The following SLC9B1 variants were observed in gnomAD, a reference collection of about 807,000 sequenced individuals.
SLC9B1 encodes sodium/hydrogen exchanger 9B1.
A neutral mutation model predicts 51.7 loss-of-function variants in SLC9B1; 32 were observed. The observed-to-expected ratio is 0.62, with a 90% CI of 0.47 to 0.83. The LOEUF is 0.83. SLC9B1 is among the 40% of genes least tolerant of loss of function. SLC9B1 has a pLI of 0.00. For synonymous variants in SLC9B1, 145 were observed against 212.7 expected (o/e 0.68, Z 2.77); for missense variants, 406 against 613.2 (o/e 0.66, Z 3.57).
intron 3 of SLC9B1, among the ~76,000 whole-genome samples, chr4:102,965,805 A>G (rs1738393984): frequency 6.6e-6 from 1 of 152,078 alleles, no homozygotes; most frequent in Non-Finnish European, 1.5e-5. Context: ...ACAACAAGTT[A>G]TTTACTTCCA....
chr4:102,964,463 C>T (rs1463277775), intron 3 of SLC9B1, among the ~76,000 whole-genome samples: 1 of 152,046 alleles, frequency 6.6e-6, no homozygotes, highest in Non-Finnish European at 1.5e-5. Flanking sequence ...CAATATTACC[C>T]TGATATCAAA....
At chr4:102,970,149 T>C (rs961450945) in intron 3 of SLC9B1, among the ~76,000 whole-genome samples, 3 of 152,092 alleles carry the variant, frequency 2.0e-5, no homozygotes, top group Non-Finnish European at 4.4e-5. Context: ...ATCACAAAGA[T>C]ACTCCTCGAG....
intron 1 of SLC9B1, among the ~76,000 whole-genome samples, chr4:102,998,611 T>TG (rs2110527054): frequency 6.6e-6 from 1 of 152,028 alleles, no homozygotes; most frequent in African/African-American, 2.4e-5. Context: ...ATGGTTTTTT[T>TG]TTTTTCACAG....
intron 3 of SLC9B1, among the ~76,000 whole-genome samples, chr4:102,971,975 C>G (rs1328781145): frequency 6.6e-6 from 1 of 151,972 alleles, no homozygotes; most frequent in Non-Finnish European, 1.5e-5. Context: ...CATTAACAGG[C>G]TCTGAAATTG....
At chr4:102,939,643 C>T (rs879561386) in intron 6 of SLC9B1, among the ~76,000 whole-genome samples, 39 of 152,198 alleles carry the variant, frequency 2.6e-4, no homozygotes, top group Admixed American at 7.9e-4. Flanking sequence ...ATCATAGATG[C>T]AAAAATCCTC....
intron 7 of SLC9B1, among the ~76,000 whole-genome samples, chr4:102,912,819 A>T (rs1029219884): frequency 5.3e-5 from 8 of 152,146 alleles, no homozygotes; most frequent in Non-Finnish European, 7.4e-5. Flanking sequence ...TTGAGGCTGC[A>T]CTCCAGCCTG....
intron 1 of SLC9B1, among the ~76,000 whole-genome samples, chr4:102,994,417 T>A (rs924849353): frequency 6.6e-6 from 1 of 152,186 alleles, no homozygotes; most frequent in South Asian, 2.1e-4. Flanking sequence ...TCATTGTCCA[T>A]ATCACCATCA....
chr4:102,932,543 T>C (rs1207556447), intron 6 of SLC9B1, among the ~76,000 whole-genome samples: 1 of 152,102 alleles, frequency 6.6e-6, no homozygotes. Flanking sequence ...TATTCCTAAA[T>C]CCTTTGAAGT....
chr4:102,911,672 T>A lies in SLC9B1; in HGVS notation c.830-135A>T, dbSNP rs936852917. On this transcript the variant is annotated intron_variant, in intron 7 of 11. Transcript: ENST00000296422. ...AACAAATATATGCAAATGGTCTTTT[T>A]ATAGTGACATATATGAAAACATGTA... The A allele has an allele frequency of 1.0e-4, 59 of 579,636 alleles. No homozygotes were observed. The African/African-American group carries it at 1.0e-3, about 10-fold the overall frequency. The allele number at this position is 579,636 out of a possible 1,614,324, so 35.9% of individuals were successfully genotyped here. A position where few individuals can be genotyped will look rare whatever the true frequency, so the allele number is the denominator to read the frequency against.
chr4:102,996,888 G>A (rs1740252737), intron 1 of SLC9B1, among the ~76,000 whole-genome samples: 6 of 151,830 alleles, frequency 4.0e-5, no homozygotes, highest in Admixed American at 3.9e-4. Flanking sequence ...CTGGGCTCAA[G>A]TGATCCTCCC....
chr4:102,923,295 G>C (rs1459322758), intron 7 of SLC9B1, among the ~76,000 whole-genome samples: 2 of 152,082 alleles, frequency 1.3e-5, no homozygotes, highest in Non-Finnish European at 2.9e-5. Flanking sequence ...CATATAAGCA[G>C]AACCAAAGAC....
At chr4:102,939,772 T>G (rs1172154451) in intron 6 of SLC9B1, among the ~76,000 whole-genome samples, 1 of 152,100 alleles carries the variant, frequency 6.6e-6, no homozygotes, top group Non-Finnish European at 1.5e-5. Context: ...ATAAATGTGA[T>G]TCATCATATA....
Position 102,949,240 on chromosome 4 carries a change from G to C in SLC9B1, c.382+17C>G. The C allele has an allele frequency of 6.6e-7, 1 of 1,506,408 alleles. No individual in the cohort carries two copies. Among genetic ancestry groups the C allele is most frequent in the Non-Finnish European group, 8.9e-7 (1 of 1,122,768 alleles). 93.3% of individuals were successfully genotyped at this position (1,506,408 alleles called of 1,614,324 possible). On this transcript the variant is annotated intron_variant, in intron 4 of 11. Coordinates refer to ENST00000296422, the MANE Select transcript of SLC9B1 (RefSeq NM_139173.4). ...TATAGTCAATAATAAAGAAAAGAGA[G>C]CTAATTATATACTTACCAAGAAGAG...
chr4:102,889,610 G>A (rs1046372271), intron 11 of SLC9B1: 17 of 150,372 alleles, frequency 1.1e-4, no homozygotes, highest in Admixed American at 6.0e-4. Context: ...AAAGTAAGAT[G>A]GTTGTACTCT....
At chr4:102,926,849 G>A (rs112162871) in intron 7 of SLC9B1, among the ~76,000 whole-genome samples, 4,236 of 150,920 alleles carry the variant, frequency 0.028, 188 homozygotes, top group African/African-American at 0.093. Context: ...ACTTCAAACT[G>A]TACTACAAGG....
intron 7 of SLC9B1, among the ~76,000 whole-genome samples, chr4:102,927,028 G>A (rs1736219942): frequency 6.6e-6 from 1 of 152,146 alleles, no homozygotes; most frequent in Admixed American, 6.5e-5. Context: ...AAATGATGCT[G>A]GGAAAACTGG....
chr4:102,923,088 T>C (rs1735967052), intron 7 of SLC9B1, among the ~76,000 whole-genome samples: 1 of 152,112 alleles, frequency 6.6e-6, no homozygotes, highest in Non-Finnish European at 1.5e-5. Context: ...TACCAAAGCC[T>C]GGCAGGGACA....
At chr4:102,920,191 C>T (rs1468036552) in intron 7 of SLC9B1, among the ~76,000 whole-genome samples, 1 of 152,154 alleles carries the variant, frequency 6.6e-6, no homozygotes, top group Admixed American at 6.5e-5. Flanking sequence ...CCCTCTTGGA[C>T]GAAGCTTCCA....
intron 1 of SLC9B1, among the ~76,000 whole-genome samples, chr4:103,017,574 C>A (rs1018852940): frequency 2.0e-5 from 3 of 152,154 alleles, no homozygotes; most frequent in Non-Finnish European, 2.9e-5. Flanking sequence ...TTCCTTAGGG[C>A]TCTTGCAATT....
Sources: allele counts gnomAD v4.1 joint callset (sites outside exome capture counted in the v4.1 genomes callset), GRCh38; gene constraint gnomAD v4.1.1; transcripts MANE v1.5; gene names NCBI Gene and HGNC (gene_info 2026-07-23, HGNC 2026-07-21).